Variants in RUNDC3A observed in about 807,000 individuals in gnomAD.
RUNDC3A encodes the protein RUN domain-containing protein 3A.
A neutral mutation model predicts 53.9 loss-of-function variants in RUNDC3A; 28 were observed. The observed-to-expected ratio is 0.52, with a 90% CI of 0.38 to 0.71. The LOEUF is 0.71. RUNDC3A is among the 30% of genes least tolerant of loss of function. The pLI, the probability that RUNDC3A is intolerant of heterozygous loss-of-function variation, is 0.00. For synonymous variants in RUNDC3A, 232 were observed against 249.4 expected, an observed-to-expected ratio of 0.93 and a Z score of 0.66; for missense variants, 491 against 597.3, an observed-to-expected ratio of 0.82 and a Z score of 1.85.
Position 44,314,716 on chromosome 17 carries a change from G to T in RUNDC3A, c.459-19G>T. 1 of 1,586,062 alleles carries T rather than the reference G, an allele frequency of 6.3e-7. No homozygotes were observed. Among genetic ancestry groups the T allele is most frequent in the Non-Finnish European group, 8.6e-7 (1 of 1,168,234 alleles). ...CTCCAGGGGCCTGCTGCATCCTCTG[G>T]CCCTCTGCCTCCCCACAGACGGTTC... On this transcript the variant is annotated intron_variant, in intron 4 of 10. Transcript: ENST00000426726.
chr17:44,316,569 G>C (rs993992145), intron 9 of RUNDC3A, 47 bp downstream of exon 9: 1 of 1,582,216 alleles, frequency 6.3e-7, no homozygotes, highest in Non-Finnish European at 8.6e-7. Context: ...GGGTCGTCCT[G>C]GGGAAGAAGG....
Position 44,314,925 on chromosome 17 carries a change from T to C in RUNDC3A, c.549-4T>C, listed in dbSNP as rs1343772375. On this transcript the variant is annotated splice_polypyrimidine_tract_variant and splice_region_variant and intron_variant, in intron 5 of 10. Coordinates refer to ENST00000426726, the MANE Select transcript of RUNDC3A (RefSeq NM_001144825.2). Reference sequence around the variant, plus strand: ...CCTCCAACCCTGTGGCTCCTCTGCCTCAGCTTCTGTCTAAAGGGGGAAGTC... The same window carrying C: ...CCTCCAACCCTGTGGCTCCTCTGCCCCAGCTTCTGTCTAAAGGGGGAAGTC... 1.2e-6 allele frequency: 2 copies of C among 1,613,990 alleles called. No homozygotes were observed. Among genetic ancestry groups the C allele is most frequent in the South Asian group, 2.2e-5 (2 of 91,090 alleles).
intron 4 of RUNDC3A, chr17:44,314,446 A>G: frequency 7.5e-7 from 1 of 1,334,436 alleles, no homozygotes; most frequent in Non-Finnish European, 9.6e-7. Context: ...AGCACTAATG[A>G]TTAAGACTTG....
At position 44,315,116 on chromosome 17, in the gene RUNDC3A, G is replaced by A. The variant is rs1436713911; in HGVS notation, c.630-39G>A. 4.4e-6 allele frequency: 7 copies of A among 1,598,444 alleles called. No homozygotes were observed. In the East Asian group the frequency reaches 6.8e-5, roughly 15 times the overall value. Reference sequence around the variant, plus strand: ...CGGCCAGCGCAGACGCGCGGGGGGAGGGGCGGGACCGGCCGTGCCCACTGC... The same window carrying A: ...CGGCCAGCGCAGACGCGCGGGGGGAAGGGCGGGACCGGCCGTGCCCACTGC... On this transcript the variant is annotated intron_variant, in intron 6 of 10. Coordinates refer to ENST00000426726, the MANE Select transcript of RUNDC3A (RefSeq NM_001144825.2). The surrounding 1 kb of genome is among the most constrained non-coding windows in gnomAD (Gnocchi z 6.1).
intron 10 of RUNDC3A, chr17:44,317,657 AC>A: frequency 7.4e-6 from 5 of 678,934 alleles, no homozygotes; most frequent in Non-Finnish European, 1.4e-5. Context: ...GTATTGGATG[AC>A]CCTAGATCTT....
At position 44,318,146 on chromosome 17, in the gene RUNDC3A, A is replaced by G. The variant is rs538621161; in HGVS notation, c.1249A>G (p.Ile417Val). Residue 417 changes from isoleucine to valine, a missense_variant, in exon 11 of 11, where the codon ATT becomes GTT. By Grantham distance (29) the Ile-to-Val change is conservative. Coordinates refer to ENST00000426726, the MANE Select transcript of RUNDC3A (RefSeq NM_001144825.2). Reference protein sequence around the residue: ...MLGLCGSLASIPSCKSLASFK... With the variant: ...MLGLCGSLASVPSCKSLASFK... Reference sequence around the variant, plus strand: ...GGGCCTCTGCGGCTCCCTGGCCTCCATTCCCAGCTGCAAGTCCCTGGCGAG... The same window carrying G: ...GGGCCTCTGCGGCTCCCTGGCCTCCGTTCCCAGCTGCAAGTCCCTGGCGAG... 2 of 1,551,394 alleles carry G rather than the reference A, an allele frequency of 1.3e-6. No homozygotes were observed. Among genetic ancestry groups the G allele is most frequent in the East Asian group, 2.4e-5 (1 of 40,904 alleles).
Position 44,315,362 on chromosome 17 carries a change from G to T in RUNDC3A, c.795+42G>T, listed in dbSNP as rs1277743476. ...GGCCCGGGGGGCGGGCGGGCCGGGCGGGGGATCCGGGCATCCCGGGGCGGG... is the reference window on the plus strand; with the variant it reads ...GGCCCGGGGGGCGGGCGGGCCGGGCTGGGGATCCGGGCATCCCGGGGCGGG... On this transcript the variant is annotated intron_variant, in intron 7 of 10. Coordinates refer to ENST00000426726, the MANE Select transcript of RUNDC3A (RefSeq NM_001144825.2). The surrounding 1 kb of genome is among the most constrained non-coding windows in gnomAD (Gnocchi z 6.1). 7.6e-7 allele frequency: 1 copy of T among 1,308,554 alleles called. No individual in the cohort carries two copies. 81.1% of individuals were successfully genotyped at this position (1,308,554 alleles called of 1,614,324 possible).
At chr17:44,312,548 C>A in intron 1 of RUNDC3A, 32 bp from the exon 2 acceptor site, 1 of 1,271,782 alleles carries the variant, frequency 7.9e-7, no homozygotes, top group East Asian at 2.5e-5. Context: ...ACCTGACACC[C>A]CACTGCCCCA....
Position 44,312,250 on chromosome 17 carries a change from G to A in RUNDC3A, c.108-330G>A, listed in dbSNP as rs79359475. Among the ~76,000 whole-genome samples, 40 of 152,212 alleles carry A rather than the reference G, an allele frequency of 2.6e-4. No homozygotes were observed. In the East Asian group the frequency reaches 6.2e-3, roughly 23 times the overall value. On this transcript the variant is annotated intron_variant, in intron 1 of 10. Transcript: ENST00000426726. ...GGGAAGGGGCTCCTGGACCGCCCCC[G>A]GCTTGTGCCTCATCTTCCTATTTTT... is the stretch of plus-strand genomic sequence containing the variant.
chr17:44,317,219 A>T, intron 10 of RUNDC3A: 2 of 580,770 alleles, frequency 3.4e-6, no homozygotes, highest in Non-Finnish European at 6.2e-6. Context: ...CAGCATATGC[A>T]GAACCCAGCA....
intron 10 of RUNDC3A, chr17:44,317,631 T>C (rs1483592323): frequency 5.4e-6 from 4 of 736,044 alleles, no homozygotes; most frequent in Non-Finnish European, 1.0e-5. Flanking sequence ...TTTTCTTTTT[T>C]ATAAGCAACC....
At chr17:44,314,847 G>A (rs200988124) in intron 5 of RUNDC3A, 23 bp downstream of exon 5, 1 of 1,613,940 alleles carries the variant, frequency 6.2e-7, no homozygotes, top group East Asian at 2.2e-5. Flanking sequence ...TGACGGCAGT[G>A]GTGGAGGGGG....
intron 10 of RUNDC3A, chr17:44,317,860 G>A: frequency 5.1e-6 from 3 of 593,698 alleles, no homozygotes; most frequent in Admixed American, 2.9e-5. Context: ...AAAGAGAGAG[G>A]ATGACCCTCA....
chr17:44,315,651 C>A lies in RUNDC3A; in HGVS notation c.953+42C>A. ...CCCTAACCCCTGACCCCCGCCGCCC[C>A]GACCACATCACCGGGTGAACCCCAT... On this transcript the variant is annotated intron_variant, in intron 8 of 10. Transcript: ENST00000426726. The surrounding 1 kb of genome is among the most constrained non-coding windows in gnomAD (Gnocchi z 6.1). 7.3e-7 allele frequency: 1 copy of A among 1,362,504 alleles called. No individual in the cohort carries two copies. Among genetic ancestry groups the A allele is most frequent in the South Asian group, 1.7e-5 (1 of 57,954 alleles). The allele number at this position is 1,362,504 out of a possible 1,614,324, so 84.4% of individuals were successfully genotyped here. A position where few individuals can be genotyped will look rare whatever the true frequency, so the allele number is the denominator to read the frequency against.
intron 4 of RUNDC3A, chr17:44,313,712 G>A (rs1471422659): frequency 6.1e-5 from 80 of 1,314,568 alleles, no homozygotes; most frequent in African/African-American, 2.6e-4. Context: ...AAGGAGTTTC[G>A]CTCTTGTTGC....
chr17:44,313,014 C>T, intron 2 of RUNDC3A, 90 bp from the exon 3 acceptor site: 9 of 1,404,088 alleles, frequency 6.4e-6, no homozygotes, highest in Non-Finnish European at 8.9e-6. Context: ...TGGGAGGAGG[C>T]TGCTTATGCT....
In RUNDC3A at chr17:44,312,679, C is replaced by T. The variant is rs1220701621; in HGVS notation, c.207C>T (p.Leu69=). ...VNFAAILEQI[L]SHRFKACAPA... ...TTGCAGCCATTTTAGAGCAGATCCTCAGCCACCGCTTCAAAGGTGGGCCCA... is the reference window on the plus strand; with the variant it reads ...TTGCAGCCATTTTAGAGCAGATCCTTAGCCACCGCTTCAAAGGTGGGCCCA... The change falls in exon 2 of 11, where the codon CTC becomes CTT. Residue 69 remains leucine (L), a synonymous_variant. Coordinates refer to ENST00000426726, the MANE Select transcript of RUNDC3A (RefSeq NM_001144825.2). 2 of 1,567,658 alleles carry T rather than the reference C, an allele frequency of 1.3e-6. No homozygotes were observed. The highest frequency in any genetic ancestry group is 1.7e-6 in the Non-Finnish European group (2 of 1,156,156).
chr17:44,313,793 T>C, intron 4 of RUNDC3A: 1 of 891,376 alleles, frequency 1.1e-6, no homozygotes, highest in Non-Finnish European at 1.4e-6. Flanking sequence ...GCGATTCTCC[T>C]GCCTCAGCCT....
rs146658412 is a variant in RUNDC3A, at chr17:44,315,072, C to T, written c.629+63C>T. 97,774 of 1,610,088 alleles carry T rather than the reference C, an allele frequency of 0.061. 3,309 individuals carry two copies. Among genetic ancestry groups the T allele is most frequent in the Non-Finnish European group, 0.068 (80,287 of 1,178,402 alleles). On this transcript the variant is annotated intron_variant, in intron 6 of 10. Coordinates refer to ENST00000426726, the MANE Select transcript of RUNDC3A (RefSeq NM_001144825.2). The surrounding 1 kb of genome is among the most constrained non-coding windows in gnomAD (Gnocchi z 6.1). ...GGCCTCGGGACATCCTGGGGACGTC[C>T]TGGTCCCACCGCCCTCAGCGGCCAG...
Sources: allele counts gnomAD v4.1 joint callset (sites outside exome capture counted in the v4.1 genomes callset), GRCh38; gene constraint gnomAD v4.1.1; non-coding constraint Gnocchi (gnomAD v3.1); transcripts MANE v1.5; gene names NCBI Gene and HGNC (gene_info 2026-07-23, HGNC 2026-07-21).